MAML2: variants seen among roughly 807,000 people sequenced by gnomAD.
MAML2 encodes the protein mastermind-like protein 2.
A neutral mutation model predicts 96.1 loss-of-function variants in MAML2; 22 were observed. That is an observed-to-expected ratio of 0.23 (90% confidence interval 0.16 to 0.33). MAML2 has a LOEUF of 0.33. Among genes scored for constraint, MAML2 ranks in the 10% least tolerant of loss-of-function variants. The pLI is 1.00. For synonymous variants in MAML2, 561 were observed against 521.3 expected, an observed-to-expected ratio of 1.08 and a Z score of -1.04; for missense variants, 1,367 against 1,392.4, an observed-to-expected ratio of 0.98 and a Z score of 0.29.
chr11:96,126,389 C>A (rs1591028411), intron 1 of MAML2, among the ~76,000 whole-genome samples: 1 of 152,122 alleles, frequency 6.6e-6, no homozygotes, highest in Non-Finnish European at 1.5e-5. Context: ...GAAACCCTGT[C>A]TCTACTGAAA....
At chr11:96,005,163 C>T (rs1858158220) in intron 2 of MAML2, among the ~76,000 whole-genome samples, 1 of 152,196 alleles carries the variant, frequency 6.6e-6, no homozygotes, top group South Asian at 2.1e-4. Flanking sequence ...TATAAATTAC[C>T]CATTCTGTGG....
intron 1 of MAML2, among the ~76,000 whole-genome samples, chr11:96,162,991 C>T (rs1861137229): frequency 6.6e-6 from 1 of 152,190 alleles, no homozygotes; most frequent in Non-Finnish European, 1.5e-5. Context: ...CCAGCATTTC[C>T]TCTGGGGATT....
chr11:96,041,906 T>C (rs1475775852), intron 2 of MAML2, among the ~76,000 whole-genome samples: 4 of 151,958 alleles, frequency 2.6e-5, no homozygotes, highest in Non-Finnish European at 4.4e-5. Flanking sequence ...CCTCCCAGGT[T>C]CAAGCGATTC....
chr11:96,210,050 C>T (rs1021696161), intron 1 of MAML2, among the ~76,000 whole-genome samples: 3 of 152,126 alleles, frequency 2.0e-5, no homozygotes, highest in African/African-American at 7.2e-5. Flanking sequence ...GTTAATTTTG[C>T]TTTTCTTTTG....
chr11:96,256,256 G>C (rs1183226402), intron 1 of MAML2, among the ~76,000 whole-genome samples: 2 of 152,114 alleles, frequency 1.3e-5, no homozygotes, highest in Non-Finnish European at 2.9e-5. Context: ...AACCGATACA[G>C]CTAGGAAGTC....
intron 1 of MAML2, among the ~76,000 whole-genome samples, chr11:96,129,754 G>A (rs531348884): frequency 2.0e-4 from 31 of 152,174 alleles, no homozygotes; most frequent in Non-Finnish European, 4.1e-4. Context: ...TCAACAGGAA[G>A]TTTTTCAGCC....
At chr11:96,031,252 A>C (rs761298424) in intron 2 of MAML2, among the ~76,000 whole-genome samples, 7 of 152,090 alleles carry the variant, frequency 4.6e-5, no homozygotes, top group Non-Finnish European at 1.0e-4. Flanking sequence ...TTCTCACTGG[A>C]TACCAGGTTT....
At position 96,206,085 on chromosome 11, in the gene MAML2, T is replaced by A. The variant is rs543091114; in HGVS notation, c.514-112568A>T. On this transcript the variant is annotated intron_variant, in intron 1 of 4. Coordinates refer to ENST00000524717, the MANE Select transcript of MAML2 (RefSeq NM_032427.4). ...GTTTTGATTGACTCTTTTTTTTTTTTAATTATTGAGAAGGTTAAGCAATAG... is the reference window on the plus strand; with the variant it reads ...GTTTTGATTGACTCTTTTTTTTTTTAAATTATTGAGAAGGTTAAGCAATAG... Among the ~76,000 whole-genome samples the A allele has an allele frequency of 1.2e-4, 19 of 152,098 alleles. No homozygotes were observed. The East Asian group carries it at 1.3e-3, about 11-fold the overall frequency.
chr11:96,234,412 C>T (rs888896630), intron 1 of MAML2, among the ~76,000 whole-genome samples: 3 of 152,114 alleles, frequency 2.0e-5, no homozygotes, highest in Admixed American at 6.5e-5. Context: ...ACCCGGGAGG[C>T]GGAGGTTGCA....
At chr11:96,005,762 A>G (rs775183975) in intron 2 of MAML2, among the ~76,000 whole-genome samples, 1 of 152,222 alleles carries the variant, frequency 6.6e-6, no homozygotes, top group Non-Finnish European at 1.5e-5. Context: ...GACTTTTCTC[A>G]ACTAATTCTA....
intron 1 of MAML2, among the ~76,000 whole-genome samples, chr11:96,173,622 T>G (rs1376442823): frequency 6.6e-6 from 1 of 152,074 alleles, no homozygotes; most frequent in African/African-American, 2.4e-5. Flanking sequence ...GAAGAGGAAG[T>G]ACACAAGCTC....
At chr11:96,126,014 A>C (rs904158462) in intron 1 of MAML2, among the ~76,000 whole-genome samples, 2 of 152,158 alleles carry the variant, frequency 1.3e-5, no homozygotes, top group Non-Finnish European at 2.9e-5. Context: ...AAGAACTCAG[A>C]CTTCAAGTGG....
intron 1 of MAML2, among the ~76,000 whole-genome samples, chr11:96,193,125 T>G (rs532959441): frequency 8.3e-4 from 127 of 152,264 alleles, no homozygotes; most frequent in African/African-American, 2.9e-3. Flanking sequence ...TCCCAGCACT[T>G]TGGGAGGCTG....
intron 2 of MAML2, among the ~76,000 whole-genome samples, chr11:96,063,269 A>G (rs1302092673): frequency 6.6e-6 from 1 of 152,084 alleles, no homozygotes; most frequent in Admixed American, 6.6e-5. Flanking sequence ...ATGCATCTGC[A>G]CACTCTTTTA....
In MAML2 at chr11:95,979,760, T is replaced by A. The variant is rs531223956; in HGVS notation, c.2659A>T (p.Met887Leu). 1 of 1,614,018 alleles carries A rather than the reference T, an allele frequency of 6.2e-7. No homozygotes were observed. Among genetic ancestry groups the A allele is most frequent in the South Asian group, 1.1e-5 (1 of 91,078 alleles). The stretch of plus-strand genomic sequence containing the variant: ...TTTCTCTGTTGGGTCAATTGATTCA[T>A]TCCTGAAGTGACACTGTATGTGTTA... ...QPNTYSVTSG[M>L]NQLTQQRNPK... Residue 887 changes from methionine (M) to leucine (L), a missense_variant, in exon 5 of 5, where the codon ATG becomes TTG. Transcript: ENST00000524717.
intron 1 of MAML2, among the ~76,000 whole-genome samples, chr11:96,311,456 C>T (rs1472531533): frequency 6.6e-6 from 1 of 152,140 alleles, no homozygotes; most frequent in Non-Finnish European, 1.5e-5. Context: ...AATATGAATG[C>T]ACAATTCACC....
intron 2 of MAML2, among the ~76,000 whole-genome samples, chr11:96,063,187 C>T (rs1859194737): frequency 6.6e-6 from 1 of 152,194 alleles, no homozygotes; most frequent in African/African-American, 2.4e-5. Flanking sequence ...ACACCTATCT[C>T]CACCTCTGTT....
chr11:96,270,307 A>G (rs531925549), intron 1 of MAML2, among the ~76,000 whole-genome samples: 35 of 152,260 alleles, frequency 2.3e-4, no homozygotes, highest in Admixed American at 7.8e-4. Flanking sequence ...CTGTTCTGAG[A>G]TACCACCATT....
intron 1 of MAML2, among the ~76,000 whole-genome samples, chr11:96,306,186 G>A (rs1475193733): frequency 6.6e-6 from 1 of 152,100 alleles, no homozygotes; most frequent in African/African-American, 2.4e-5. Context: ...CACTGCACGA[G>A]CCCAGGCCCA....
Sources: gnomAD v4.1 joint callset for allele counts (sites outside exome capture counted in the v4.1 genomes callset) on GRCh38, gnomAD v4.1.1 for gene constraint, MANE v1.5 for transcripts, NCBI Gene and HGNC (gene_info 2026-07-23, HGNC 2026-07-21) for gene names.